Variants in DEPDC5 observed in about 807,000 individuals in gnomAD.
DEPDC5 encodes DEP domain containing 5, GATOR1 subcomplex subunit.
In DEPDC5, 73 loss-of-function variants were observed where a neutral mutation model predicts 217.3. The ratio of observed to expected loss-of-function variants is 0.34; its 90% confidence interval spans 0.28 to 0.41. The LOEUF is 0.41. DEPDC5 is among the 10% of genes least tolerant of loss of function. DEPDC5 has a pLI of 1.00. For missense variants in DEPDC5, 1,675 were observed against 2,070.1 expected (o/e 0.81, Z 3.70); for synonymous variants, 733 against 756.7 (o/e 0.97, Z 0.51).
chr22:31,754,738 C>A, intron 1 of DEPDC5, 124 bp from the exon 2 acceptor site: 3 of 634,736 alleles, frequency 4.7e-6, no homozygotes, highest in Non-Finnish European at 8.2e-6. Flanking sequence ...GTGACTTCTT[C>A]CGAGAGTCAC....
intron 38 of DEPDC5, chr22:31,880,012 G>A: frequency 2.1e-6 from 1 of 465,168 alleles, no homozygotes; most frequent in Admixed American, 3.4e-5. Flanking sequence ...GGATAGGAGA[G>A]AAGAAATATG....
At chr22:31,829,465 G>A (rs1442714034) in intron 24 of DEPDC5, among the ~76,000 whole-genome samples, 3 of 152,120 alleles carry the variant, frequency 2.0e-5, no homozygotes, top group Non-Finnish European at 4.4e-5. Context: ...CCGGGAGGTG[G>A]AGGTTGCAGT....
intron 24 of DEPDC5, among the ~76,000 whole-genome samples, chr22:31,823,571 C>T (rs1453028649): frequency 1.3e-5 from 2 of 150,592 alleles, no homozygotes; most frequent in Non-Finnish European, 3.0e-5. Flanking sequence ...TGAGCACGCA[C>T]CAAAGACTTG....
chr22:31,800,596 A>C (rs1401115256), intron 14 of DEPDC5, among the ~76,000 whole-genome samples: 2 of 152,106 alleles, frequency 1.3e-5, no homozygotes, highest in African/African-American at 4.8e-5. Flanking sequence ...CCATCCCTCA[A>C]CTGCTTCTAG....
At chr22:31,874,142 G>C (rs2092928079) in intron 35 of DEPDC5, 131 bp from the exon 36 acceptor site, 1 of 1,356,678 alleles carries the variant, frequency 7.4e-7, no homozygotes, top group East Asian at 2.5e-5. Flanking sequence ...CTGAGTCTAG[G>C]AATAGCATAG....
intron 12 of DEPDC5, among the ~76,000 whole-genome samples, chr22:31,794,518 C>T (rs976221797): frequency 6.6e-6 from 1 of 152,096 alleles, no homozygotes; most frequent in African/African-American, 2.4e-5. Flanking sequence ...AAGTCATCCT[C>T]AACGTTTTTT....
In DEPDC5 at chr22:31,819,240, T is replaced by C; in HGVS notation, c.1870+15T>C. The C allele has an allele frequency of 6.2e-7, 1 of 1,613,788 alleles. No homozygotes were observed. Among genetic ancestry groups the C allele is most frequent in the South Asian group, 1.1e-5 (1 of 91,066 alleles). Reference sequence around the variant, plus strand: ...TTTTCCTGTGGGTAAGTTGGTTGCTTAAGAGAGAGCCTTGGACTAGGAGCT... The same window carrying C: ...TTTTCCTGTGGGTAAGTTGGTTGCTCAAGAGAGAGCCTTGGACTAGGAGCT... On this transcript the variant is annotated intron_variant, in intron 22 of 42. Transcript: ENST00000651528.
At position 31,838,790 on chromosome 22, in the gene DEPDC5, G is replaced by C. The variant is rs772618922; in HGVS notation, c.2460G>C (p.Gln820His). The part of the protein sequence containing the change: ...GYQIIVQPKT[Q>H]KPNPAVPPPL... The stretch of plus-strand genomic sequence containing the variant: ...AAATCATAGTGCAGCCCAAGACACA[G>C]AAACCCAATCCTGCTGTCCCGCCCC... Residue 820 changes from glutamine (Q) to histidine (H), a missense_variant, in exon 27 of 43, where the codon CAG becomes CAC. Gln to His is a conservative substitution (Grantham distance 24). Around this residue, in one of 11 missense-constraint regions of DEPDC5, gnomAD observed 293 missense variants for 386.1 expected, o/e 0.76. Transcript: ENST00000651528. 4 of 1,614,144 alleles carry C rather than the reference G, an allele frequency of 2.5e-6. No individual in the cohort carries two copies. Among genetic ancestry groups the C allele is most frequent in the South Asian group, 1.1e-5 (1 of 91,076 alleles).
rs375092267 is a variant in DEPDC5, at chr22:31,769,010, T to C, written c.413+147T>C. 6.3e-4 allele frequency: 656 copies of C among 1,045,268 alleles called. 2 individuals carry two copies. The highest frequency in any genetic ancestry group is 4.4e-3 in the East Asian group (165 of 37,684). 64.7% of individuals were successfully genotyped at this position (1,045,268 alleles called of 1,614,324 possible). On this transcript the variant is annotated intron_variant, in intron 7 of 42. Transcript: ENST00000651528. Reference sequence around the variant, plus strand: ...CCACAGTGGCTCACGCCTGTAATCCTAGCACTTTGGGAGGCCAAGGTGGGC... The same window carrying C: ...CCACAGTGGCTCACGCCTGTAATCCCAGCACTTTGGGAGGCCAAGGTGGGC...
chr22:31,833,325 T>G (rs2090744991), intron 24 of DEPDC5, among the ~76,000 whole-genome samples: 1 of 152,236 alleles, frequency 6.6e-6, no homozygotes, highest in African/African-American at 2.4e-5. Flanking sequence ...GGTTTTTCCT[T>G]TCAGCCCAGT....
chr22:31,764,308 T>A lies in DEPDC5; in HGVS notation c.194-667T>A, dbSNP rs541897606. Among the ~76,000 whole-genome samples, 14 of 152,322 alleles carry A rather than the reference T, an allele frequency of 9.2e-5. No individual in the cohort carries two copies. The East Asian group carries it at 2.7e-3, about 29-fold the overall frequency. The stretch of plus-strand genomic sequence containing the variant: ...TTTCTTACCAGACTTAAGGGCTCAT[T>A]GAAAAATTTGTTTCTTCTTTACCAC... On this transcript the variant is annotated intron_variant, in intron 4 of 42. Coordinates refer to ENST00000651528, the MANE Select transcript of DEPDC5 (RefSeq NM_001242896.3).
intron 20 of DEPDC5, 102 bp downstream of exon 20, chr22:31,810,743 G>T: frequency 6.5e-7 from 1 of 1,531,200 alleles, no homozygotes. Flanking sequence ...ATCTTGTTTT[G>T]TTTTGTTTTG....
At chr22:31,873,082 A>T in intron 34 of DEPDC5, 173 bp from the exon 35 acceptor site, 1 of 1,293,770 alleles carries the variant, frequency 7.7e-7, no homozygotes, top group African/African-American at 1.5e-5. Context: ...AAAATAGGAA[A>T]CCCCCTATGA....
At chr22:31,759,895 C>T (rs547820659) in intron 3 of DEPDC5, among the ~76,000 whole-genome samples, 1 of 151,660 alleles carries the variant, frequency 6.6e-6, no homozygotes, top group Admixed American at 6.6e-5. Flanking sequence ...GTTGGCCAGG[C>T]TGGTCTCGAA....
intron 6 of DEPDC5, among the ~76,000 whole-genome samples, chr22:31,768,340 A>C (rs1327433727): frequency 6.6e-6 from 1 of 152,138 alleles, no homozygotes; most frequent in Admixed American, 6.5e-5. Context: ...AAAGAAATGA[A>C]GTTTTTGTAT....
intron 1 of DEPDC5, among the ~76,000 whole-genome samples, chr22:31,754,566 G>A (rs1458956849): frequency 6.6e-6 from 1 of 152,262 alleles, no homozygotes; most frequent in Non-Finnish European, 1.5e-5. Flanking sequence ...TATTGGTGTA[G>A]ATGGAGACAA....
chr22:31,774,754 A>G (rs2083668861), intron 7 of DEPDC5, among the ~76,000 whole-genome samples: 1 of 151,998 alleles, frequency 6.6e-6, no homozygotes. Flanking sequence ...GAGGTGGGAG[A>G]ATCGCTCAAG....
Position 31,836,954 on chromosome 22 carries a change from C to T in DEPDC5, c.2171-18C>T, listed in dbSNP as rs758395738. ...CATGGTGACCACATGTACCTTTTCC[C>T]CCTGTTACGTGAGGCAGTTCTGACA... On this transcript the variant is annotated intron_variant, in intron 25 of 42. Transcript: ENST00000651528. 1.9e-6 allele frequency: 3 copies of T among 1,611,314 alleles called. No homozygotes were observed. The highest frequency in any genetic ancestry group is 2.2e-5 in the East Asian group (1 of 44,704).
rs1167662640 is a variant in DEPDC5, at chr22:31,864,520, ATATATT to A, written c.3330+3093_3330+3098del. On this transcript the variant is annotated intron_variant, in intron 33 of 42. Coordinates refer to ENST00000651528, the MANE Select transcript of DEPDC5 (RefSeq NM_001242896.3). ...CATTAAAATATATATATATATATAT[ATATATT>A]TATATATTTATTTATTTACTGTGTG... Among the ~76,000 whole-genome samples the A allele has an allele frequency of 1.6e-3, 219 of 133,338 alleles. 4 individuals are homozygous for A. The highest frequency in any genetic ancestry group is 5.9e-3 in the African/African-American group (200 of 34,152). The allele number at this position is 133,338 out of a possible 152,430, so 87.5% of individuals were successfully genotyped here. A position where few individuals can be genotyped will look rare whatever the true frequency, so the allele number is the denominator to read the frequency against.
Sources: allele counts gnomAD v4.1 joint callset (sites outside exome capture counted in the v4.1 genomes callset), GRCh38; gene constraint gnomAD v4.1.1; regional missense constraint gnomAD v4.1.1; transcripts MANE v1.5; gene names NCBI Gene and HGNC (gene_info 2026-07-23, HGNC 2026-07-21).